GLMN: variants seen among roughly 807,000 people sequenced by gnomAD.
GLMN encodes glomulin, FKBP associated protein, also known as glomulin.
GLMN carries 75 observed loss-of-function variants against 87.8 expected under a neutral mutation model. The observed-to-expected ratio is 0.85, with a 90% CI of 0.71 to 1.04. The LOEUF is 1.04. Ranked by LOEUF, GLMN falls within the 50% of genes least tolerant of loss-of-function variation. The probability of loss-of-function intolerance (pLI) is 0.00; values close to 1 mark genes in which losing one functional copy is unlikely to be tolerated. For synonymous variants in GLMN, 206 were observed against 221.6 expected, an observed-to-expected ratio of 0.93 and a Z score of 0.63; for missense variants, 588 against 658.8, an observed-to-expected ratio of 0.89 and a Z score of 1.18.
At chr1:92,280,676 A>G (rs2100985710) in intron 7 of GLMN, among the ~76,000 whole-genome samples, 1 of 152,122 alleles carries the variant, frequency 6.6e-6, no homozygotes, top group African/African-American at 2.4e-5. Context: ...CTCCGAGCTA[A>G]AGGAGCATGT....
At chr1:92,276,426 C>T (rs1231493630) in intron 7 of GLMN, among the ~76,000 whole-genome samples, 1 of 152,036 alleles carries the variant, frequency 6.6e-6, no homozygotes, top group Non-Finnish European at 1.5e-5. Flanking sequence ...TTTGGGAGGC[C>T]AAAGGCAGCC....
At chr1:92,274,931 T>A (rs1647189436) in intron 7 of GLMN, among the ~76,000 whole-genome samples, 1 of 152,204 alleles carries the variant, frequency 6.6e-6, no homozygotes, top group Admixed American at 6.5e-5. Flanking sequence ...CATGGATTAT[T>A]GACCAGCTGA....
chr1:92,268,280 C>T, intron 9 of GLMN, 145 bp from the exon 10 acceptor site: 2 of 618,710 alleles, frequency 3.2e-6, no homozygotes, highest in East Asian at 2.8e-5. Context: ...AGAACTTGAT[C>T]AAAAGTTTTA....
the GLMN span, among the ~76,000 whole-genome samples, chr1:92,340,377 G>A: frequency 2.0e-5 from 3 of 152,200 alleles, no homozygotes; most frequent in African/African-American, 7.2e-5. Flanking sequence ...GCCAGGTGAA[G>A]CTTCTGGAAA....
intron 16 of GLMN, among the ~76,000 whole-genome samples, chr1:92,250,122 A>G (rs968707754): frequency 6.6e-6 from 1 of 152,096 alleles, no homozygotes; most frequent in Non-Finnish European, 1.5e-5. Flanking sequence ...ACATTTGAAC[A>G]TAAAGAGTAT....
chr1:92,249,151 A>T (rs924859578), intron 16 of GLMN, among the ~76,000 whole-genome samples: 3 of 151,998 alleles, frequency 2.0e-5, no homozygotes, highest in African/African-American at 7.2e-5. Flanking sequence ...AAACAGTGTG[A>T]TTCTTTTAGT....
chr1:92,337,459 G>T, the GLMN span, among the ~76,000 whole-genome samples: 3 of 152,062 alleles, frequency 2.0e-5, no homozygotes, highest in Non-Finnish European at 4.4e-5. Context: ...TTTGTATCTA[G>T]AATTCATAGT....
chr1:92,260,433 T>C (rs1654878563), intron 16 of GLMN, among the ~76,000 whole-genome samples: 1 of 149,344 alleles, frequency 6.7e-6, no homozygotes, highest in African/African-American at 2.5e-5. Flanking sequence ...CTGGGCAACA[T>C]GATGAAACCC....
chr1:92,333,413 T>TA, the GLMN span: 2 of 1,613,454 alleles, frequency 1.2e-6, no homozygotes, highest in East Asian at 4.5e-5. Context: ...TTTCCACTGA[T>TA]AGACTCAAGT....
the GLMN span, among the ~76,000 whole-genome samples, chr1:92,352,709 A>T: frequency 6.6e-6 from 1 of 152,194 alleles, no homozygotes; most frequent in South Asian, 2.1e-4. Context: ...TATACAGTTC[A>T]TCATTTGTAT....
intron 16 of GLMN, among the ~76,000 whole-genome samples, chr1:92,250,150 T>C (rs1029496884): frequency 1.4e-5 from 2 of 145,268 alleles, no homozygotes; most frequent in East Asian, 1.9e-4. Context: ...ACACCTAGCT[T>C]TGACAAAAGG....
chr1:92,257,904 T>C (rs1654472645), intron 16 of GLMN, among the ~76,000 whole-genome samples: 1 of 151,970 alleles, frequency 6.6e-6, no homozygotes, highest in Admixed American at 6.5e-5. Flanking sequence ...AAAGCCAAAA[T>C]GGACAAATGG....
intron 16 of GLMN, among the ~76,000 whole-genome samples, chr1:92,251,442 A>AAGTT (rs1185727459): frequency 6.6e-6 from 1 of 152,168 alleles, no homozygotes; most frequent in Non-Finnish European, 1.5e-5. Context: ...ATATCATAAA[A>AAGTT]AGTTTACTTG....
At chr1:92,313,336 G>A in the GLMN span, among the ~76,000 whole-genome samples, 3 of 152,146 alleles carry the variant, frequency 2.0e-5, no homozygotes, top group Admixed American at 2.0e-4. Context: ...CTGCAGAATG[G>A]ATATTGTGTT....
At chr1:92,366,939 T>G in the GLMN span, among the ~76,000 whole-genome samples, 1 of 152,178 alleles carries the variant, frequency 6.6e-6, no homozygotes, top group Non-Finnish European at 1.5e-5. Context: ...CATTTACCAC[T>G]TGTTCTTGTA....
In GLMN at chr1:92,289,005, T is replaced by C. The variant is rs758369221; in HGVS notation, c.541A>G (p.Ile181Val). The C allele has an allele frequency of 2.4e-5, 39 of 1,612,418 alleles. No individual in the cohort carries two copies. Among genetic ancestry groups the C allele is most frequent in the Non-Finnish European group, 8.5e-7 (1 of 1,178,568 alleles). ...TCCACAAAAGGCTTAGTGAACTCTA[T>C]TAAGGCCTTGCAACACTGACAAAGG... is the stretch of plus-strand genomic sequence containing the variant. ...YGLCQCCKAL[I>V]EFTKPFVEEV... Residue 181 changes from isoleucine to valine, a missense_variant, in exon 6 of 19, where the codon ATA becomes GTA. By Grantham distance (29) the Ile-to-Val change is conservative. Transcript: ENST00000370360.
At chr1:92,320,614 A>G in the GLMN span, 10 of 1,611,174 alleles carry the variant, frequency 6.2e-6, no homozygotes, top group African/African-American at 1.3e-5. Flanking sequence ...CTGATTTTCA[A>G]CTGCTAAAGG....
chr1:92,259,255 G>T (rs1654679826), intron 16 of GLMN, among the ~76,000 whole-genome samples: 1 of 152,080 alleles, frequency 6.6e-6, no homozygotes, highest in African/African-American at 2.4e-5. Flanking sequence ...ATTATTTAAA[G>T]ATACTCTATT....
intron 7 of GLMN, among the ~76,000 whole-genome samples, chr1:92,274,690 G>A (rs1402332923): frequency 6.6e-6 from 1 of 152,120 alleles, no homozygotes; most frequent in Non-Finnish European, 1.5e-5. Flanking sequence ...GTGACTTTTA[G>A]TTCTAATCCA....
Sources: allele counts gnomAD v4.1 joint callset (sites outside exome capture counted in the v4.1 genomes callset), GRCh38; gene constraint gnomAD v4.1.1; transcripts MANE v1.5; gene names NCBI Gene and HGNC (gene_info 2026-07-23, HGNC 2026-07-21).